ZC3HC1: variants seen among roughly 807,000 people sequenced by gnomAD.
ZC3HC1 encodes the protein zinc finger C3HC-type protein 1.
A neutral mutation model predicts 61.9 loss-of-function variants in ZC3HC1; 38 were observed. The ratio of observed to expected loss-of-function variants is 0.61; its 90% CI spans 0.47 to 0.81. The LOEUF (loss-of-function observed/expected upper bound fraction) is 0.81. Ranked by LOEUF, ZC3HC1 falls within the 30% of genes least tolerant of loss-of-function variation. The pLI, the probability that ZC3HC1 is intolerant of heterozygous loss-of-function variation, is 0.00. For missense variants in ZC3HC1, 554 were observed against 622.7 expected, an observed-to-expected ratio of 0.89 and a Z score of 1.17; for synonymous variants, 213 against 229.9, an observed-to-expected ratio of 0.93 and a Z score of 0.67.
Position 130,023,659 on chromosome 7 carries a change from T to C in ZC3HC1, c.1085A>G (p.Asp362Gly). 6.2e-7 allele frequency: 1 copy of C among 1,614,086 alleles called. No homozygotes were observed. The highest frequency in any genetic ancestry group is 8.5e-7 in the Non-Finnish European group (1 of 1,180,016). Residue 362 changes from aspartate (D) to glycine (G), a missense_variant, in exon 8 of 10, where the codon GAC becomes GGC. Coordinates refer to ENST00000358303, the MANE Select transcript of ZC3HC1 (RefSeq NM_016478.5). The surrounding 1 kb of genome is among the most constrained non-coding windows in gnomAD (Gnocchi z 4.2). Reference protein sequence around the residue: ...TRSWDSSSPVDRPEPEAASPT... With the variant: ...TRSWDSSSPVGRPEPEAASPT... ...GCTAGCAGCCTCTGGCTCAGGACGG[T>C]CAACAGGACTGGAAGAGTCCCAGCT... is the stretch of plus-strand genomic sequence containing the variant.
At chr7:130,024,606 A>G in intron 6 of ZC3HC1, 100 bp from the exon 7 acceptor site, 1 of 1,331,864 alleles carries the variant, frequency 7.5e-7, no homozygotes, top group South Asian at 1.5e-5. Flanking sequence ...CAATTTCTGG[A>G]ACAGTCACCA....
chr7:130,048,061 C>T (rs1794934251), intron 2 of ZC3HC1, among the ~76,000 whole-genome samples: 1 of 152,048 alleles, frequency 6.6e-6, no homozygotes. Context: ...GAACTGAAGC[C>T]CTCTGTCCAA....
intron 2 of ZC3HC1, among the ~76,000 whole-genome samples, chr7:130,046,075 C>G (rs1038345701): frequency 1.3e-5 from 2 of 151,930 alleles, no homozygotes; most frequent in Non-Finnish European, 2.9e-5. Flanking sequence ...CATGTTCTCA[C>G]TTATAAGTGG....
Position 130,029,048 on chromosome 7 carries a change from G to A in ZC3HC1, c.494-19C>T, listed in dbSNP as rs760448786. On this transcript the variant is annotated intron_variant, in intron 4 of 9. Transcript: ENST00000358303. ...AATCGGTCTGTGGAAAAAGTAAATT[G>A]GAAGATTATATTGGTGTAAACTGTA... The A allele has an allele frequency of 2.0e-5, 32 of 1,607,464 alleles. No individual in the cohort carries two copies. The African/African-American group carries it at 2.7e-4, about 13-fold the overall frequency.
At chr7:130,032,225 A>T (rs1453261114) in intron 4 of ZC3HC1, among the ~76,000 whole-genome samples, 3 of 145,054 alleles carry the variant, frequency 2.1e-5, no homozygotes, top group African/African-American at 7.6e-5. Flanking sequence ...TTCCCTCTAA[A>T]AAAAAAAAAA....
chr7:130,031,061 G>A (rs1794165172), intron 4 of ZC3HC1, among the ~76,000 whole-genome samples: 2 of 151,672 alleles, frequency 1.3e-5, no homozygotes, highest in South Asian at 4.2e-4. Context: ...GGGGCGTGGT[G>A]GCTCACACCT....
intron 2 of ZC3HC1, 61 bp from the exon 3 acceptor site, chr7:130,041,162 G>GTA: frequency 1.3e-6 from 2 of 1,507,600 alleles, no homozygotes; most frequent in South Asian, 2.6e-5. Flanking sequence ...GTATGTGTGT[G>GTA]TGTGTGTGTG....
intron 4 of ZC3HC1, among the ~76,000 whole-genome samples, chr7:130,034,601 C>A (rs890771059): frequency 2.0e-5 from 3 of 151,850 alleles, no homozygotes; most frequent in African/African-American, 4.8e-5. Context: ...TTAAAGGGAT[C>A]CTCCTGCTTC....
At chr7:130,051,141 A>C in intron 1 of ZC3HC1, 80 bp downstream of exon 1, 1 of 1,507,762 alleles carries the variant, frequency 6.6e-7, no homozygotes, top group Non-Finnish European at 8.8e-7. Flanking sequence ...ACCGAGGGGA[A>C]CCTCCCCCAA....
At chr7:130,034,536 G>A (rs1025414012) in intron 4 of ZC3HC1, among the ~76,000 whole-genome samples, 25 of 149,442 alleles carry the variant, frequency 1.7e-4, no homozygotes, top group African/African-American at 5.2e-4. Context: ...GCTCTGTCAT[G>A]CAGGCTGGAA....
Position 130,018,608 on chromosome 7 carries a change from AT to A in ZC3HC1, c.*55del, listed in dbSNP as rs1424931556. On this transcript the variant is annotated 3_prime_UTR_variant, in exon 10 of 10. Transcript: ENST00000358303. ...GCTGACCGAAAGGAACTCAGCCTTAATTTTTCAAAAAGTCACTCTCATTCCA... is the reference window on the plus strand; with the variant it reads ...GCTGACCGAAAGGAACTCAGCCTTAATTTTCAAAAAGTCACTCTCATTCCA... 2.0e-6 allele frequency: 3 copies of A among 1,517,378 alleles called. No homozygotes were observed. The highest frequency in any genetic ancestry group is 2.7e-6 in the Non-Finnish European group (3 of 1,102,728). The allele number at this position is 1,517,378 out of a possible 1,614,324, so 94.0% of individuals were successfully genotyped here.
In ZC3HC1 at chr7:130,018,364, A is replaced by G. The variant is rs867545490; in HGVS notation, c.*300T>C. ...AAGAGTCCTCAGAACACTGCTCCAC[A>G]TTGAAGATGCTGAAATGGGTGGTCA... On this transcript the variant is annotated 3_prime_UTR_variant, in exon 10 of 10. Transcript: ENST00000358303. 9.4e-6 allele frequency: 3 copies of G among 317,762 alleles called. No individual in the cohort carries two copies. The highest frequency in any genetic ancestry group is 6.2e-5 in the African/African-American group (3 of 48,214). The allele number at this position is 317,762 out of a possible 1,614,324, so 19.7% of individuals were successfully genotyped here. A position where few individuals can be genotyped will look rare whatever the true frequency, so the allele number is the denominator to read the frequency against.
chr7:130,040,847 C>A (rs573839392), intron 3 of ZC3HC1, 104 bp downstream of exon 3: 29 of 1,144,326 alleles, frequency 2.5e-5, no homozygotes, highest in South Asian at 5.4e-5. Flanking sequence ...GATTGAAGTA[C>A]GCATTTTTTG....
At position 130,019,809 on chromosome 7, in the gene ZC3HC1, G is replaced by GTTT. The variant is rs754542017; in HGVS notation, c.1441-1080_1441-1078dup. On this transcript the variant is annotated intron_variant, in intron 9 of 9. Transcript: ENST00000358303. Reference sequence around the variant, plus strand: ...AGTTTCTCATATGACGCTTTCACAGGTTTTTTTTTTTTTTTTTTTTTTTTT... The same window carrying GTTT: ...AGTTTCTCATATGACGCTTTCACAGGTTTTTTTTTTTTTTTTTTTTTTTTTTTT... 1.2e-3 allele frequency among the ~76,000 whole-genome samples: 119 copies of GTTT among 95,822 alleles called. 6 individuals carry two copies. Among genetic ancestry groups the GTTT allele is most frequent in the Middle Eastern group, 5.4e-3 (1 of 184 alleles). The allele number at this position is 95,822 out of a possible 152,430, so 62.9% of individuals were successfully genotyped here. A position where few individuals can be genotyped will look rare whatever the true frequency, so the allele number is the denominator to read the frequency against.
chr7:130,041,781 C>T (rs1397973601), intron 2 of ZC3HC1, among the ~76,000 whole-genome samples: 1 of 152,096 alleles, frequency 6.6e-6, no homozygotes, highest in Non-Finnish European at 1.5e-5. Flanking sequence ...CCCACCTCGG[C>T]CTCCCAAAGT....
chr7:130,021,718 C>T (rs1433484854), intron 9 of ZC3HC1, among the ~76,000 whole-genome samples: 1 of 152,176 alleles, frequency 6.6e-6, no homozygotes, highest in East Asian at 1.9e-4. Flanking sequence ...GGAGCAGCTG[C>T]CTGTTCATCT....
rs769062071 is a variant in ZC3HC1 at position 130,026,208 on chromosome 7, G to A, written c.726C>T (p.Ile242=). 46 of 1,614,000 alleles carry A rather than the reference G, an allele frequency of 2.9e-5. No homozygotes were observed. Among genetic ancestry groups the A allele is most frequent in the Non-Finnish European group, 3.6e-5 (43 of 1,180,018 alleles). Residue 242 remains isoleucine, a synonymous_variant, in exon 6 of 10, where the codon ATC becomes ATT. Coordinates refer to ENST00000358303, the MANE Select transcript of ZC3HC1 (RefSeq NM_016478.5). ...RKTTIKLGSD[I]QVHVTACILS... ...GAATACAGGCAGTGACGTGGACTTG[G>A]ATGTCTGAGCCTAATTTGATTGTAG...
At chr7:130,032,668 TGGAAGGAAGGAA>T (rs374532483) in intron 4 of ZC3HC1, among the ~76,000 whole-genome samples, 1,873 of 58,040 alleles carry the variant, frequency 0.032, 98 homozygotes, top group African/African-American at 0.12. Flanking sequence ...ATAGAAGAAA[TGGAAGGAAGGAA>T]GGAAGGAAGG....
intron 4 of ZC3HC1, among the ~76,000 whole-genome samples, chr7:130,034,141 C>T (rs1018325575): frequency 4.0e-5 from 6 of 151,252 alleles, no homozygotes; most frequent in Admixed American, 6.6e-5. Context: ...AATTTAATGC[C>T]GCATATTATT....
Sources: allele counts gnomAD v4.1 joint callset (sites outside exome capture counted in the v4.1 genomes callset), GRCh38; gene constraint gnomAD v4.1.1; non-coding constraint Gnocchi (gnomAD v3.1); transcripts MANE v1.5; gene names NCBI Gene and HGNC (gene_info 2026-07-23, HGNC 2026-07-21).